The following SLC35F4 variants were observed in gnomAD, a reference collection of about 807,000 sequenced individuals.
The protein encoded by SLC35F4 is solute carrier family 35 member F4, also known as chromosome 14 open reading frame 36.
Under a neutral mutation model 44.2 loss-of-function variants are expected in SLC35F4, and 24 were observed. The ratio of observed to expected loss-of-function variants is 0.54; its 90% CI spans 0.39 to 0.76. The LOEUF is 0.76. Among genes scored for constraint, SLC35F4 ranks in the 30% least tolerant of loss-of-function variants. The probability of loss-of-function intolerance (pLI) is 0.00; values close to 1 mark genes in which losing one functional copy is unlikely to be tolerated. For synonymous variants in SLC35F4, 238 were observed against 223.6 expected (o/e 1.06, Z -0.57); for missense variants, 562 against 586.1 (o/e 0.96, Z 0.42).
chr14:57,909,724 G>A (rs543872315), intron 1 of SLC35F4, among the ~76,000 whole-genome samples: 13 of 152,146 alleles, frequency 8.5e-5, no homozygotes, highest in Admixed American at 5.9e-4. Flanking sequence ...TGCCTACTGA[G>A]GGATATGTTG....
intron 1 of SLC35F4, among the ~76,000 whole-genome samples, chr14:57,889,595 T>C (rs768210469): frequency 4.0e-4 from 61 of 152,238 alleles, no homozygotes; most frequent in Non-Finnish European, 8.4e-4. Flanking sequence ...AAGGGCCTCC[T>C]GGCCATAGTA....
intron 1 of SLC35F4, among the ~76,000 whole-genome samples, chr14:57,920,221 G>T (rs967760360): frequency 6.6e-6 from 1 of 152,116 alleles, no homozygotes; most frequent in Non-Finnish European, 1.5e-5. Context: ...GTTGCCTTTG[G>T]TTATAAATTC....
intron 1 of SLC35F4, among the ~76,000 whole-genome samples, chr14:57,682,425 A>G (rs1055700552): frequency 4.6e-5 from 7 of 152,168 alleles, no homozygotes; most frequent in Non-Finnish European, 1.0e-4. Flanking sequence ...GTTCTCACTC[A>G]TAATTGGGAA....
intron 1 of SLC35F4, among the ~76,000 whole-genome samples, chr14:57,614,213 A>C (rs964545024): frequency 6.6e-6 from 1 of 152,224 alleles, no homozygotes; most frequent in Non-Finnish European, 1.5e-5. Flanking sequence ...AAAACAAGAA[A>C]ATATTGAATA....
At chr14:57,849,858 T>C (rs1767554019) in intron 1 of SLC35F4, among the ~76,000 whole-genome samples, 1 of 152,150 alleles carries the variant, frequency 6.6e-6, no homozygotes, top group South Asian at 2.1e-4. Flanking sequence ...GACTATCACA[T>C]TCTAACTGAC....
At chr14:57,752,194 T>C (rs2076900794) in intron 1 of SLC35F4, among the ~76,000 whole-genome samples, 1 of 152,184 alleles carries the variant, frequency 6.6e-6, no homozygotes, top group Non-Finnish European at 1.5e-5. Context: ...TCTAAGAGAA[T>C]TTCTTACATT....
intron 1 of SLC35F4, among the ~76,000 whole-genome samples, chr14:57,749,951 G>GT (rs2076843722): frequency 6.6e-6 from 1 of 151,876 alleles, no homozygotes; most frequent in African/African-American, 2.4e-5. Context: ...TTTGTTACTT[G>GT]TGTAGTGATC....
At chr14:57,913,998 CCA>C (rs1264967964) in intron 1 of SLC35F4, among the ~76,000 whole-genome samples, 1 of 152,188 alleles carries the variant, frequency 6.6e-6, no homozygotes, top group African/African-American at 2.4e-5. Flanking sequence ...ATATTTCACT[CCA>C]CTCTCTTCTT....
intron 1 of SLC35F4, among the ~76,000 whole-genome samples, chr14:57,846,534 T>C (rs186922369): frequency 3.3e-5 from 5 of 152,286 alleles, no homozygotes; most frequent in Admixed American, 6.5e-5. Context: ...TGCAAAATCA[T>C]TGAAAACAAA....
chr14:57,600,584 T>C (rs1472790573), intron 1 of SLC35F4, among the ~76,000 whole-genome samples: 3 of 139,126 alleles, frequency 2.2e-5, no homozygotes, highest in East Asian at 2.1e-4. Context: ...CCCAGCTACC[T>C]GGGAGGCTGA....
chr14:57,976,555 A>G (rs1393854392), downstream of SLC35F4, among the ~76,000 whole-genome samples: 5 of 152,240 alleles, frequency 3.3e-5, no homozygotes, highest in African/African-American at 1.2e-4. Context: ...ACATCATTGA[A>G]GACTTACAGC....
At chr14:57,564,944 T>TC (rs551998033) in intron 7 of SLC35F4, among the ~76,000 whole-genome samples, 1 of 152,196 alleles carries the variant, frequency 6.6e-6, no homozygotes. Flanking sequence ...TCTGCTTTTT[T>TC]CCCCCTATAG....
intron 1 of SLC35F4, among the ~76,000 whole-genome samples, chr14:57,924,899 A>G (rs1889523034): frequency 1.3e-5 from 2 of 151,810 alleles, no homozygotes; most frequent in South Asian, 4.2e-4. Context: ...TATGTGCCAC[A>G]ATGCCTGTTA....
chr14:57,681,849 C>T (rs1163771114), intron 1 of SLC35F4, among the ~76,000 whole-genome samples: 2 of 151,660 alleles, frequency 1.3e-5, no homozygotes, highest in Non-Finnish European at 2.9e-5. Flanking sequence ...TGAACAGACA[C>T]TTCTCAAAAG....
chr14:57,605,390 C>A (rs527244637), intron 1 of SLC35F4, among the ~76,000 whole-genome samples: 1 of 152,082 alleles, frequency 6.6e-6, no homozygotes, highest in Non-Finnish European at 1.5e-5. Flanking sequence ...AAATGCAAAT[C>A]AAAACCACAG....
chr14:57,777,574 A>C (rs1021675380), intron 1 of SLC35F4, among the ~76,000 whole-genome samples: 7 of 152,072 alleles, frequency 4.6e-5, no homozygotes, highest in Non-Finnish European at 1.0e-4. Context: ...GGGAGCTGAA[A>C]AATGAGAACA....
intron 1 of SLC35F4, among the ~76,000 whole-genome samples, chr14:57,607,061 G>T (rs2071205033): frequency 6.6e-6 from 1 of 152,166 alleles, no homozygotes; most frequent in African/African-American, 2.4e-5. Context: ...TTTCTATAAA[G>T]AGTGCTAAAT....
intron 1 of SLC35F4, among the ~76,000 whole-genome samples, chr14:57,634,531 G>A (rs2072933804): frequency 1.3e-5 from 2 of 152,168 alleles, no homozygotes; most frequent in South Asian, 2.1e-4. Context: ...GGTGGCAGCA[G>A]CACCATTCAT....
intron 1 of SLC35F4, among the ~76,000 whole-genome samples, chr14:57,913,151 G>C (rs752791030): frequency 1.3e-5 from 2 of 151,564 alleles, no homozygotes; most frequent in Non-Finnish European, 2.9e-5. Context: ...AACCTACTTT[G>C]TGTCTTTATA....
Sources: allele counts gnomAD v4.1 joint callset (sites outside exome capture counted in the v4.1 genomes callset), GRCh38; gene constraint gnomAD v4.1.1; transcripts MANE v1.5; gene names NCBI Gene and HGNC (gene_info 2026-07-23, HGNC 2026-07-21).